The following TBC1D15 variants were observed in gnomAD, a reference collection of about 807,000 sequenced individuals.
The protein encoded by TBC1D15 is GAP for RAB7.
Under a neutral mutation model 95.4 loss-of-function variants are expected in TBC1D15, and 39 were observed. The observed-to-expected ratio is 0.41, with a 90% CI of 0.32 to 0.53. The LOEUF is 0.53. Ranked by LOEUF, TBC1D15 falls within the 20% of genes least tolerant of loss-of-function variation. TBC1D15 has a pLI of 0.29. For missense variants in TBC1D15, 733 were observed against 794.3 expected (o/e 0.92, Z 0.93); for synonymous variants, 258 against 261.3 (o/e 0.99, Z 0.12).
At chr12:71,848,520 A>T (rs1249866095) in intron 1 of TBC1D15, among the ~76,000 whole-genome samples, 1 of 148,670 alleles carries the variant, frequency 6.7e-6, no homozygotes, top group African/African-American at 2.5e-5. Flanking sequence ...TCTTCTGCTT[A>T]TTTTTTTTCA....
At chr12:71,896,127 GGTTTTGTT>G (rs781032566) in intron 8 of TBC1D15, 52 bp downstream of exon 8, 1 of 1,468,856 alleles carries the variant, frequency 6.8e-7, no homozygotes, top group Non-Finnish European at 9.1e-7. Flanking sequence ...AGTATTTAGG[GGTTTTGTT>G]GTTATCGTTA....
At chr12:71,872,609 T>G (rs1892926099) in intron 2 of TBC1D15, among the ~76,000 whole-genome samples, 1 of 152,200 alleles carries the variant, frequency 6.6e-6, no homozygotes, top group Admixed American at 6.5e-5. Flanking sequence ...TTCTACTGCA[T>G]GTGCATTGCT....
intron 11 of TBC1D15, chr12:71,907,380 A>G (rs371080979): frequency 4.0e-5 from 11 of 278,040 alleles, no homozygotes; most frequent in African/African-American, 1.5e-4. Context: ...AAAGACATCT[A>G]TAGGACACCA....
chr12:71,905,025 T>C (rs1900348570), intron 10 of TBC1D15, among the ~76,000 whole-genome samples: 1 of 152,220 alleles, frequency 6.6e-6, no homozygotes, highest in Non-Finnish European at 1.5e-5. Flanking sequence ...TAAGAGGTTT[T>C]TGTTTTTAAC....
In TBC1D15 at chr12:71,913,914, C is replaced by T. The variant is rs1048796465; in HGVS notation, c.1389C>T (p.Tyr463=). The T allele has an allele frequency of 6.3e-7, 1 of 1,590,038 alleles. No individual in the cohort carries two copies. ...ATGCCTTTTGGTGCTTTGCCTCTTA[C>T]ATGGACCAAATGGTAAGAACAGAGA... ...EVDAFWCFAS[Y]MDQMHQNFEE... The change falls in exon 12 of 17, where the codon TAC becomes TAT. Residue 463 remains tyrosine (Y), a synonymous_variant. Coordinates refer to ENST00000485960, the MANE Select transcript of TBC1D15 (RefSeq NM_001146213.3).
At chr12:71,851,406 C>G (rs1887798254) in intron 1 of TBC1D15, among the ~76,000 whole-genome samples, 1 of 152,150 alleles carries the variant, frequency 6.6e-6, no homozygotes, top group African/African-American at 2.4e-5. Flanking sequence ...CTGGCCCCTC[C>G]CAAATCTCCA....
In TBC1D15 at chr12:71,872,082, CAAG is replaced by C. The variant is rs769924441; in HGVS notation, c.47_49del (p.Glu16del). 1 of 1,521,522 alleles carries C rather than the reference CAAG, an allele frequency of 6.6e-7. No individual in the cohort carries two copies. Among genetic ancestry groups the C allele is most frequent in the East Asian group, 2.4e-5 (1 of 40,980 alleles). 94.3% of individuals were successfully genotyped at this position (1,521,522 alleles called of 1,614,324 possible). A position where few individuals can be genotyped will look rare whatever the true frequency, so the allele number is the denominator to read the frequency against. On this transcript the variant is annotated inframe_deletion, in exon 2 of 17. Coordinates refer to ENST00000485960, the MANE Select transcript of TBC1D15 (RefSeq NM_001146213.3). ...TTTGCTGTTTTAGATTATATATGAACAAGAAGGAGTATATATTCACTCATCTTG... is the reference window on the plus strand; with the variant it reads ...TTTGCTGTTTTAGATTATATATGAACAAGGAGTATATATTCACTCATCTTG...
chr12:71,874,402 C>T (rs994124689), intron 3 of TBC1D15, among the ~76,000 whole-genome samples: 1 of 152,010 alleles, frequency 6.6e-6, no homozygotes, highest in Admixed American at 6.6e-5. Flanking sequence ...CTTTTGGTAT[C>T]TGTGGGGTAT....
intron 11 of TBC1D15, among the ~76,000 whole-genome samples, chr12:71,909,360 G>A (rs991659849): frequency 6.6e-6 from 1 of 152,196 alleles, no homozygotes; most frequent in African/African-American, 2.4e-5. Context: ...ACCCATAGGT[G>A]AGGTATAGGT....
chr12:71,904,980 T>A (rs993515876), intron 10 of TBC1D15, among the ~76,000 whole-genome samples: 2 of 152,206 alleles, frequency 1.3e-5, no homozygotes, highest in African/African-American at 4.8e-5. Context: ...AGCCTTTTTT[T>A]AGCTACATCA....
At chr12:71,902,693 A>C (rs1047228529) in intron 10 of TBC1D15, among the ~76,000 whole-genome samples, 1 of 152,214 alleles carries the variant, frequency 6.6e-6, no homozygotes, top group Non-Finnish European at 1.5e-5. Context: ...AGAAGACTCC[A>C]AAAGCAATTA....
chr12:71,877,496 TTTCCTTCCTTCC>T (rs200912836), intron 3 of TBC1D15, among the ~76,000 whole-genome samples: 3,914 of 89,372 alleles, frequency 0.044, 152 homozygotes, highest in African/African-American at 0.11. Context: ...CTTTCCTGTT[TTTCCTTCCTTCC>T]TTCCTTCCTT....
At chr12:71,848,084 C>T (rs77046730) in intron 1 of TBC1D15, among the ~76,000 whole-genome samples, 2,801 of 151,990 alleles carry the variant, frequency 0.018, 77 homozygotes, top group African/African-American at 0.061. Flanking sequence ...GCAACAAGAG[C>T]GAAACTCTGT....
intron 11 of TBC1D15, 160 bp downstream of exon 11, chr12:71,907,298 C>T: frequency 2.2e-6 from 1 of 458,162 alleles, no homozygotes; most frequent in Non-Finnish European, 3.8e-6. Flanking sequence ...GGTTCTCAAC[C>T]AAGGAGCCCT....
intron 1 of TBC1D15, among the ~76,000 whole-genome samples, chr12:71,846,504 GTTGAA>G (rs1886302191): frequency 1.3e-5 from 2 of 152,082 alleles, no homozygotes; most frequent in African/African-American, 4.8e-5. Flanking sequence ...ATAAAAGTTT[GTTGAA>G]TTGAATTTTA....
At chr12:71,847,668 C>T (rs1886665610) in intron 1 of TBC1D15, among the ~76,000 whole-genome samples, 4 of 151,600 alleles carry the variant, frequency 2.6e-5, no homozygotes, top group Admixed American at 2.0e-4. Context: ...GCTCTCCAGC[C>T]TGGGTGACAG....
intron 1 of TBC1D15, among the ~76,000 whole-genome samples, chr12:71,853,016 TACTC>T (rs1303233345): frequency 2.0e-5 from 3 of 152,192 alleles, no homozygotes; most frequent in Non-Finnish European, 2.9e-5. Flanking sequence ...TATTAGTCAA[TACTC>T]ACTGCTATAA....
intron 5 of TBC1D15, among the ~76,000 whole-genome samples, chr12:71,891,769 A>AT (rs2138649825): frequency 6.6e-6 from 1 of 152,220 alleles, no homozygotes; most frequent in East Asian, 1.9e-4. Flanking sequence ...TTGGTAAGGC[A>AT]GTCATTTCAT....
chr12:71,855,087 G>A (rs77660974), intron 1 of TBC1D15, among the ~76,000 whole-genome samples: 171 of 152,292 alleles, frequency 1.1e-3, no homozygotes, highest in African/African-American at 3.8e-3. Flanking sequence ...GGCAGAAGGC[G>A]AAGGGGAAGC....
Sources: gnomAD v4.1 joint callset for allele counts (sites outside exome capture counted in the v4.1 genomes callset) on GRCh38, gnomAD v4.1.1 for gene constraint, MANE v1.5 for transcripts, NCBI Gene and HGNC (gene_info 2026-07-23, HGNC 2026-07-21) for gene names.